SPINK9: variants seen among roughly 807,000 people sequenced by gnomAD.
SPINK9 encodes serine protease inhibitor Kazal-type 9.
SPINK9 carries 3 observed loss-of-function variants against 10.8 expected under a neutral mutation model. That is an observed-to-expected ratio of 0.28 (90% CI 0.13 to 0.72). SPINK9 has a LOEUF of 0.72. Among genes scored for constraint, SPINK9 ranks in the 30% least tolerant of loss-of-function variants. SPINK9 has a pLI of 0.74. For missense variants in SPINK9, 101 were observed against 103.2 expected (o/e 0.98, Z 0.09); for synonymous variants, 30 against 31.2 (o/e 0.96, Z 0.12).
chr5:148,339,546 T>C (rs1192571249), intron 3 of SPINK9, 121 bp from the exon 4 acceptor site: 1 of 823,458 alleles, frequency 1.2e-6, no homozygotes, highest in Non-Finnish European at 2.0e-6. Context: ...TCACTCCTTT[T>C]AAAAACATCA....
chr5:148,321,748 T>C (rs1364761409), intron 1 of SPINK9, among the ~76,000 whole-genome samples: 4 of 152,208 alleles, frequency 2.6e-5, no homozygotes, highest in Non-Finnish European at 1.5e-5. Context: ...TCAATGAAGC[T>C]GAGATCTCCC....
At position 148,335,695 on chromosome 5, in the gene SPINK9, T is replaced by C. The variant is rs754203799; in HGVS notation, c.55+27T>C. On this transcript the variant is annotated intron_variant, in intron 1 of 3. Coordinates refer to ENST00000377906, the MANE Select transcript of SPINK9 (RefSeq NM_001040433.2). ...TGAGTATCTCTGATAATACTGCCCCTGCCCTTGTACTAATAGCTCATGCAG... is the reference window on the plus strand; with the variant it reads ...TGAGTATCTCTGATAATACTGCCCCCGCCCTTGTACTAATAGCTCATGCAG... 26 of 1,611,312 alleles carry C rather than the reference T, an allele frequency of 1.6e-5. No individual in the cohort carries two copies. The South Asian group carries it at 2.5e-4, about 16-fold the overall frequency.
chr5:148,326,962 C>T (rs529435700), intron 2 of SPINK9, among the ~76,000 whole-genome samples: 12 of 151,880 alleles, frequency 7.9e-5, no homozygotes, highest in African/African-American at 1.7e-4. Flanking sequence ...TGAATAATGC[C>T]GCAATAAACA....
chr5:148,336,523 C>A, intron 2 of SPINK9, 70 bp downstream of exon 2: 1 of 1,425,392 alleles, frequency 7.0e-7, no homozygotes, highest in Non-Finnish European at 9.8e-7. Context: ...TGATACTACA[C>A]AGTAATTAAA....
At chr5:148,321,795 C>T (rs1316779072) in intron 1 of SPINK9, among the ~76,000 whole-genome samples, 1 of 152,024 alleles carries the variant, frequency 6.6e-6, no homozygotes, top group East Asian at 1.9e-4. Flanking sequence ...AGCATTGTTT[C>T]CCAATGAATA....
In SPINK9 at chr5:148,339,794, A is replaced by G. The variant is rs1757266754; in HGVS notation, c.*82A>G. 1 of 1,151,604 alleles carries G rather than the reference A, an allele frequency of 8.7e-7. No individual in the cohort carries two copies. Among genetic ancestry groups the G allele is most frequent in the South Asian group, 1.3e-5 (1 of 78,808 alleles). 71.3% of individuals were successfully genotyped at this position (1,151,604 alleles called of 1,614,324 possible). A position where few individuals can be genotyped will look rare whatever the true frequency, so the allele number is the denominator to read the frequency against. On this transcript the variant is annotated 3_prime_UTR_variant, in exon 4 of 4. Coordinates refer to ENST00000377906, the MANE Select transcript of SPINK9 (RefSeq NM_001040433.2). Reference sequence around the variant, plus strand: ...TCTGTTCCCATATTATCTATGCCACATTGCCTACTCATCACCATATGTAGA... The same window carrying G: ...TCTGTTCCCATATTATCTATGCCACGTTGCCTACTCATCACCATATGTAGA...
At chr5:148,338,381 A>G in intron 2 of SPINK9, 97 bp from the exon 3 acceptor site, 1 of 1,054,576 alleles carries the variant, frequency 9.5e-7, no homozygotes, top group Non-Finnish European at 1.4e-6. Flanking sequence ...AATAAGAAAC[A>G]TGCATTGAGA....
chr5:148,327,011 T>A (rs1757070773), intron 2 of SPINK9, among the ~76,000 whole-genome samples: 1 of 151,810 alleles, frequency 6.6e-6, no homozygotes, highest in African/African-American at 2.4e-5. Flanking sequence ...TGATTTATAA[T>A]CCTTTGGGTA....
intron 2 of SPINK9, among the ~76,000 whole-genome samples, chr5:148,329,635 A>G (rs918129051): frequency 2.6e-5 from 4 of 151,682 alleles, no homozygotes; most frequent in Admixed American, 6.6e-5. Context: ...TTCTCTTGTG[A>G]GTATTTAGTG....
upstream of SPINK9, among the ~76,000 whole-genome samples, chr5:148,334,305 A>T (rs1757187661): frequency 6.6e-6 from 1 of 152,134 alleles, no homozygotes; most frequent in African/African-American, 2.4e-5. Context: ...TAAATTTAGT[A>T]AGTTCTTTAC....
intron 2 of SPINK9, among the ~76,000 whole-genome samples, chr5:148,325,938 C>A (rs766693443): frequency 1.3e-5 from 2 of 152,036 alleles, no homozygotes; most frequent in Admixed American, 1.3e-4. Context: ...ATGTGGATAT[C>A]CAGTTGTCCC....
intron 2 of SPINK9, among the ~76,000 whole-genome samples, chr5:148,328,444 G>A (rs938626943): frequency 6.6e-6 from 1 of 152,200 alleles, no homozygotes; most frequent in Non-Finnish European, 1.5e-5. Context: ...CATGTCATCT[G>A]CAGACAGGGA....
In SPINK9 at chr5:148,336,465, C is replaced by T. The variant is rs1004598851; in HGVS notation, c.87+12C>T. The T allele has an allele frequency of 2.5e-6, 4 of 1,612,698 alleles. No homozygotes were observed. Among genetic ancestry groups the T allele is most frequent in the Non-Finnish European group, 3.4e-6 (4 of 1,178,962 alleles). On this transcript the variant is annotated intron_variant, in intron 2 of 3. Transcript: ENST00000377906. ...AGACGAAACAGATGGTCAGTACACCCATCCTACTTTTATGTAATTTTAAAG... is the reference window on the plus strand; with the variant it reads ...AGACGAAACAGATGGTCAGTACACCTATCCTACTTTTATGTAATTTTAAAG...
intron 2 of SPINK9, among the ~76,000 whole-genome samples, chr5:148,329,506 T>A (rs889610228): frequency 6.6e-6 from 1 of 152,224 alleles, no homozygotes; most frequent in African/African-American, 2.4e-5. Context: ...TTTATCTCCT[T>A]CAGTTCCGCT....
chr5:148,327,893 G>T (rs1376631662), intron 2 of SPINK9, among the ~76,000 whole-genome samples: 1 of 152,136 alleles, frequency 6.6e-6, no homozygotes, highest in Non-Finnish European at 1.5e-5. Context: ...GTACCATGCT[G>T]TTTTGGTTAC....
upstream of SPINK9, among the ~76,000 whole-genome samples, chr5:148,332,407 A>T (rs1208356446): frequency 1.3e-5 from 2 of 152,222 alleles, no homozygotes; most frequent in Admixed American, 6.5e-5. Flanking sequence ...AACCTTGGAA[A>T]TGTGATTTAA....
At chr5:148,322,728 C>T (rs1425195113) in intron 1 of SPINK9, among the ~76,000 whole-genome samples, 1 of 152,120 alleles carries the variant, frequency 6.6e-6, no homozygotes, top group Non-Finnish European at 1.5e-5. Context: ...GGTCTACTGG[C>T]TCAGGGTCTA....
intron 1 of SPINK9, 61 bp downstream of exon 1, chr5:148,335,729 C>T: frequency 1.9e-6 from 3 of 1,543,360 alleles, no homozygotes; most frequent in Non-Finnish European, 1.8e-6. Context: ...AGTCTTCTGC[C>T]TATGTAATTC....
intron 2 of SPINK9, among the ~76,000 whole-genome samples, chr5:148,326,770 T>C (rs1433737112): frequency 6.6e-6 from 1 of 152,086 alleles, no homozygotes; most frequent in Non-Finnish European, 1.5e-5. Flanking sequence ...GGTGTTTGGT[T>C]TTTTGTCCTT....
Sources: allele counts gnomAD v4.1 joint callset (sites outside exome capture counted in the v4.1 genomes callset), GRCh38; gene constraint gnomAD v4.1.1; transcripts MANE v1.5; gene names NCBI Gene and HGNC (gene_info 2026-07-23, HGNC 2026-07-21).